The following LRRC37A2 variants were observed in gnomAD, a reference collection of about 807,000 sequenced individuals.
LRRC37A2 encodes leucine-rich repeat-containing protein 37A2.
In LRRC37A2, 9 loss-of-function variants were observed where a neutral mutation model predicts 68.8. The ratio of observed to expected loss-of-function variants is 0.13; its 90% CI spans 0.08 to 0.23. The LOEUF (loss-of-function observed/expected upper bound fraction) is 0.23. LRRC37A2 is among the 10% of genes least tolerant of loss of function. The pLI is 1.00. For synonymous variants in LRRC37A2, 63 were observed against 367.6 expected, an observed-to-expected ratio of 0.17 and a Z score of 9.48; for missense variants, 168 against 950.4, an observed-to-expected ratio of 0.18 and a Z score of 10.82.
chr17:46,843,517 A>C, the LRRC37A2 span, among the ~76,000 whole-genome samples: 1 of 152,122 alleles, frequency 6.6e-6, no homozygotes, highest in Non-Finnish European at 1.5e-5. Context: ...TCTTCCCTGG[A>C]ACAATGAATT....
At chr17:46,585,182 T>C in the LRRC37A2 span, among the ~76,000 whole-genome samples, 1 of 145,848 alleles carries the variant, frequency 6.9e-6, no homozygotes, top group African/African-American at 2.6e-5. Flanking sequence ...CCAGGTATGG[T>C]GGTGCGTGCG....
chr17:46,440,686 T>G, the LRRC37A2 span, among the ~76,000 whole-genome samples: 1 of 9,932 alleles, frequency 1.0e-4, no homozygotes, highest in African/African-American at 3.6e-4. Context: ...AGGCTGCCCT[T>G]GAACTCCTGA....
intron 8 of LRRC37A2, among the ~76,000 whole-genome samples, chr17:46,542,757 A>T (rs1464071633): frequency 6.7e-6 from 1 of 150,340 alleles, no homozygotes; most frequent in African/African-American, 2.5e-5. Context: ...GCGGGGCCCT[A>T]TTGTGAGTTT....
the LRRC37A2 span, chr17:47,049,096 T>C: frequency 1.2e-6 from 1 of 844,442 alleles, no homozygotes; most frequent in Non-Finnish European, 1.9e-6. Context: ...TGAATGGCAC[T>C]CAAATGTTTG....
the LRRC37A2 span, among the ~76,000 whole-genome samples, chr17:46,913,021 C>A: frequency 6.6e-6 from 1 of 152,230 alleles, no homozygotes; most frequent in African/African-American, 2.4e-5. Flanking sequence ...GCCTGTCCTG[C>A]CTCCCATGAG....
At chr17:46,970,968 T>G in the LRRC37A2 span, among the ~76,000 whole-genome samples, 19 of 152,364 alleles carry the variant, frequency 1.2e-4, no homozygotes, top group Admixed American at 3.9e-4. Flanking sequence ...GGATTAATAG[T>G]GATTCCTTCT....
the LRRC37A2 span, among the ~76,000 whole-genome samples, chr17:46,758,340 G>T: frequency 6.6e-6 from 1 of 152,238 alleles, no homozygotes; most frequent in Non-Finnish European, 1.5e-5. Context: ...GGAGGACCCT[G>T]AGGCCGACCT....
At chr17:46,940,419 G>A in the LRRC37A2 span, 804 of 1,596,354 alleles carry the variant, frequency 5.0e-4, no homozygotes, top group Non-Finnish European at 6.6e-4. Flanking sequence ...ACCTAGATCT[G>A]TCTAACTCTG....
the LRRC37A2 span, among the ~76,000 whole-genome samples, chr17:46,789,087 G>A: frequency 6.6e-6 from 1 of 152,194 alleles, no homozygotes; most frequent in African/African-American, 2.4e-5. Context: ...GCTGGGCCAG[G>A]CCTTATGCTG....
chr17:46,814,454 G>A, the LRRC37A2 span, among the ~76,000 whole-genome samples: 10 of 152,296 alleles, frequency 6.6e-5, 1 homozygote, highest in Non-Finnish European at 1.5e-4. Context: ...CGGGGTGAGC[G>A]GGAGGGCTGT....
chr17:46,921,862 A>G, the LRRC37A2 span, among the ~76,000 whole-genome samples: 1 of 152,316 alleles, frequency 6.6e-6, no homozygotes, highest in East Asian at 1.9e-4. Flanking sequence ...TGGAGAAATA[A>G]GAACACTTTT....
At chr17:46,740,048 C>T in the LRRC37A2 span, among the ~76,000 whole-genome samples, 1 of 152,148 alleles carries the variant, frequency 6.6e-6, no homozygotes, top group African/African-American at 2.4e-5. Flanking sequence ...AGGCCCTGGG[C>T]ACTGTGTCTA....
the LRRC37A2 span, among the ~76,000 whole-genome samples, chr17:46,404,986 T>A: frequency 1.1e-5 from 1 of 89,974 alleles, no homozygotes; most frequent in Non-Finnish European, 2.6e-5. Context: ...GCGGATTGCC[T>A]GAGCTCAGGA....
At chr17:46,802,739 C>T in the LRRC37A2 span, among the ~76,000 whole-genome samples, 9 of 152,300 alleles carry the variant, frequency 5.9e-5, no homozygotes, top group Admixed American at 6.5e-5. Context: ...TTCCGGATAG[C>T]GGAACACGTG....
chr17:46,839,465 G>C, the LRRC37A2 span, among the ~76,000 whole-genome samples: 1 of 152,258 alleles, frequency 6.6e-6, no homozygotes, highest in Non-Finnish European at 1.5e-5. Flanking sequence ...CTGTATGGCT[G>C]TGGCACAACG....
chr17:46,849,450 G>C, the LRRC37A2 span, among the ~76,000 whole-genome samples: 4 of 152,224 alleles, frequency 2.6e-5, no homozygotes, highest in Admixed American at 2.6e-4. Context: ...CCTGCCTAGG[G>C]GGTGTGGCTG....
the LRRC37A2 span, among the ~76,000 whole-genome samples, chr17:46,881,427 A>C: frequency 4.6e-5 from 7 of 152,348 alleles, no homozygotes; most frequent in African/African-American, 1.7e-4. Context: ...TCTCTCTTGA[A>C]CCTCACAAGG....
chr17:46,714,020 T>C, the LRRC37A2 span: 1 of 1,590,884 alleles, frequency 6.3e-7, no homozygotes, highest in South Asian at 1.2e-5. Context: ...TAATTTCCTA[T>C]CTCTTAAATG....
chr17:46,999,254 C>G, the LRRC37A2 span, among the ~76,000 whole-genome samples: 3 of 152,260 alleles, frequency 2.0e-5, no homozygotes, highest in Non-Finnish European at 4.4e-5. Flanking sequence ...TTCTTAACCT[C>G]TCTGCAGCTT....
Sources: gnomAD v4.1 joint callset for allele counts (sites outside exome capture counted in the v4.1 genomes callset) on GRCh38, gnomAD v4.1.1 for gene constraint, MANE v1.5 for transcripts, NCBI Gene and HGNC (gene_info 2026-07-23, HGNC 2026-07-21) for gene names.